The following GPC5 variants were observed in gnomAD, a reference collection of about 807,000 sequenced individuals.
The protein encoded by GPC5 is glypican 5.
A neutral mutation model predicts 53.9 loss-of-function variants in GPC5; 47 were observed. The observed-to-expected ratio is 0.87, with a 90% CI of 0.69 to 1.11. The LOEUF is 1.11. GPC5 is among the 50% of genes most tolerant of loss of function. GPC5 has a pLI of 0.00. For synonymous variants in GPC5, 286 were observed against 263.3 expected (o/e 1.09, Z -0.84); for missense variants, 748 against 713.1 (o/e 1.05, Z -0.56).
chr13:91,830,728 GTGTATATA>G (rs1245261905), intron 5 of GPC5, among the ~76,000 whole-genome samples: 1 of 143,592 alleles, frequency 7.0e-6, no homozygotes, highest in Non-Finnish European at 1.5e-5. Context: ...ATATATATAT[GTGTATATA>G]TGTATATAAA....
chr13:92,521,280 A>G (rs972026981), intron 7 of GPC5, among the ~76,000 whole-genome samples: 2 of 152,218 alleles, frequency 1.3e-5, no homozygotes, highest in Admixed American at 1.3e-4. Flanking sequence ...AAACTACTTT[A>G]AAGTTCATAT....
chr13:91,533,378 T>A (rs916752020), intron 2 of GPC5, among the ~76,000 whole-genome samples: 4 of 152,228 alleles, frequency 2.6e-5, no homozygotes, highest in South Asian at 2.1e-4. Context: ...TCTATTTTTT[T>A]ATTTTCTCTA....
chr13:91,544,055 G>T (rs1478041841), intron 2 of GPC5, among the ~76,000 whole-genome samples: 1 of 151,740 alleles, frequency 6.6e-6, no homozygotes, highest in Non-Finnish European at 1.5e-5. Context: ...CACAGCCTCA[G>T]TTATTTCTAG....
chr13:92,413,187 T>C (rs1333336061), intron 7 of GPC5, among the ~76,000 whole-genome samples: 1 of 152,186 alleles, frequency 6.6e-6, no homozygotes, highest in Non-Finnish European at 1.5e-5. Context: ...TTTCACTCTC[T>C]TGACTCTAAA....
rs375500167 is a variant in GPC5 at position 91,728,715 on chromosome 13, A to C, written c.1154+50A>C. ...AAAGAGAAAAGAAAGTAAGCCATTA[A>C]TTTTACAACAGAATAGAACATATTC... On this transcript the variant is annotated intron_variant, in intron 4 of 7. Transcript: ENST00000377067. 15 of 1,571,686 alleles carry C rather than the reference A, an allele frequency of 9.5e-6. No individual in the cohort carries two copies. In the African/African-American group the frequency reaches 1.9e-4, roughly 20 times the overall value.
intron 7 of GPC5, among the ~76,000 whole-genome samples, chr13:92,149,922 T>G (rs1018489176): frequency 2.6e-5 from 4 of 151,976 alleles, no homozygotes; most frequent in Non-Finnish European, 5.9e-5. Flanking sequence ...CCTATAAGAT[T>G]TGAATGCCAT....
At chr13:91,968,919 C>G (rs1250755903) in intron 6 of GPC5, among the ~76,000 whole-genome samples, 2 of 151,922 alleles carry the variant, frequency 1.3e-5, no homozygotes, top group Admixed American at 1.3e-4. Context: ...TTGTCCTCCT[C>G]TTTCTTTTCC....
intron 7 of GPC5, among the ~76,000 whole-genome samples, chr13:92,781,708 G>A (rs559844058): frequency 7.2e-5 from 11 of 152,206 alleles, no homozygotes; most frequent in Non-Finnish European, 1.3e-4. Flanking sequence ...ATAAATAAGG[G>A]AACGCTTTCA....
At chr13:92,291,173 C>A (rs2042992430) in intron 7 of GPC5, among the ~76,000 whole-genome samples, 1 of 152,134 alleles carries the variant, frequency 6.6e-6, no homozygotes, top group Non-Finnish European at 1.5e-5. Flanking sequence ...CCGAGGAGCG[C>A]CACCCCCTGC....
chr13:91,748,171 T>C (rs2037093172), intron 4 of GPC5, among the ~76,000 whole-genome samples: 2 of 152,240 alleles, frequency 1.3e-5, no homozygotes, highest in African/African-American at 4.8e-5. Context: ...TAACGCAGCA[T>C]ATCTGTGATG....
At chr13:91,443,692 G>A (rs561420307) in intron 1 of GPC5, among the ~76,000 whole-genome samples, 1 of 152,304 alleles carries the variant, frequency 6.6e-6, no homozygotes, top group African/African-American at 2.4e-5. Flanking sequence ...CATAATCCAA[G>A]CATGAGGAAT....
intron 5 of GPC5, among the ~76,000 whole-genome samples, chr13:91,857,864 A>T (rs537922425): frequency 1.6e-3 from 249 of 151,690 alleles, no homozygotes; most frequent in Middle Eastern, 0.01. Flanking sequence ...AATTTTCTAC[A>T]TCTATTCAGA....
intron 7 of GPC5, among the ~76,000 whole-genome samples, chr13:92,770,414 CAAA>C (rs34087505): frequency 1.4e-4 from 11 of 76,874 alleles, no homozygotes; most frequent in Non-Finnish European, 2.4e-4. Context: ...GACCCTGTCT[CAAA>C]AAAAAAAAAA....
At chr13:92,498,917 G>A (rs1219197608) in intron 7 of GPC5, among the ~76,000 whole-genome samples, 1 of 151,956 alleles carries the variant, frequency 6.6e-6, no homozygotes, top group Non-Finnish European at 1.5e-5. Flanking sequence ...AAATCATCAG[G>A]TTTCCCCAAT....
chr13:91,420,437 G>T (rs1453267583), intron 1 of GPC5, among the ~76,000 whole-genome samples: 1 of 152,042 alleles, frequency 6.6e-6, no homozygotes, highest in African/African-American at 2.4e-5. Flanking sequence ...CCGTTTTGGG[G>T]ACTCCTGGCT....
intron 5 of GPC5, among the ~76,000 whole-genome samples, chr13:91,896,574 T>C (rs1246389895): frequency 1.3e-5 from 2 of 152,064 alleles, no homozygotes; most frequent in Non-Finnish European, 2.9e-5. Flanking sequence ...ATGAAAGGAC[T>C]GAGAAAGGAG....
At chr13:91,647,776 T>C (rs2034597136) in intron 2 of GPC5, among the ~76,000 whole-genome samples, 1 of 152,244 alleles carries the variant, frequency 6.6e-6, no homozygotes, top group Non-Finnish European at 1.5e-5. Flanking sequence ...CAGCATTTCC[T>C]GGCTCCCTCT....
chr13:91,628,833 T>C (rs1328188708), intron 2 of GPC5, among the ~76,000 whole-genome samples: 1 of 152,170 alleles, frequency 6.6e-6, no homozygotes, highest in East Asian at 1.9e-4. Flanking sequence ...TAATGCAGAT[T>C]CTGATTCAGT....
At chr13:92,697,552 G>T (rs1354994587) in intron 7 of GPC5, among the ~76,000 whole-genome samples, 1 of 152,160 alleles carries the variant, frequency 6.6e-6, no homozygotes, top group Admixed American at 6.6e-5. Context: ...TGTCTATCCT[G>T]AGACTTTGCT....
Sources: gnomAD v4.1 joint callset for allele counts (sites outside exome capture counted in the v4.1 genomes callset) on GRCh38, gnomAD v4.1.1 for gene constraint, MANE v1.5 for transcripts, NCBI Gene and HGNC (gene_info 2026-07-23, HGNC 2026-07-21) for gene names.